The following ASPH variants were observed in gnomAD, a reference collection of about 807,000 sequenced individuals.
ASPH encodes the protein aspartyl/asparaginyl beta-hydroxylase.
In ASPH, 100 loss-of-function variants were observed where a neutral mutation model predicts 118.4. The observed-to-expected ratio is 0.84, with a 90% confidence interval of 0.72 to 1.00. ASPH has a LOEUF of 1.00. Ranked by LOEUF, ASPH falls within the 50% of genes least tolerant of loss-of-function variation. The pLI is 0.00. For synonymous variants in ASPH, 315 were observed against 325.6 expected, an observed-to-expected ratio of 0.97 and a Z score of 0.35; for missense variants, 920 against 919.5, an observed-to-expected ratio of 1.00 and a Z score of -0.01.
chr8:61,530,334 G>C (rs1483261677), intron 21 of ASPH, among the ~76,000 whole-genome samples: 1 of 152,202 alleles, frequency 6.6e-6, no homozygotes, highest in Non-Finnish European at 1.5e-5. Context: ...GCACAGGTTT[G>C]ATTCTTTCTA....
chr8:61,658,372 C>T (rs1430407277), intron 3 of ASPH: 8 of 152,178 alleles, frequency 5.3e-5, no homozygotes, highest in Admixed American at 5.2e-4. Flanking sequence ...ATAAGGTTCC[C>T]AAGAGCCTGG....
chr8:61,584,273 T>G (rs1162158916), intron 14 of ASPH, among the ~76,000 whole-genome samples: 1 of 152,212 alleles, frequency 6.6e-6, no homozygotes, highest in Non-Finnish European at 1.5e-5. Flanking sequence ...AGTGGGTGGA[T>G]AGTATACTGA....
Position 61,539,699 on chromosome 8 carries a change from G to GGTGT in ASPH, c.1764+8368_1764+8371dup, listed in dbSNP as rs10522481. Reference sequence around the variant, plus strand: ...TGTGATGGTCACCTAACACTTCTGGGGTGTGTGTGTGTGTGTGTGTGTGTG... The same window carrying GGTGT: ...TGTGATGGTCACCTAACACTTCTGGGGTGTGTGTGTGTGTGTGTGTGTGTGTGTG... On this transcript the variant is annotated intron_variant, in intron 21 of 24. Coordinates refer to ENST00000379454, the MANE Select transcript of ASPH (RefSeq NM_004318.4). Among the ~76,000 whole-genome samples, 1,122 of 124,290 alleles carry GGTGT rather than the reference G, an allele frequency of 9.0e-3. 15 individuals are homozygous for GGTGT. The highest frequency in any genetic ancestry group is 0.017 in the Middle Eastern group (4 of 232). 81.5% of individuals were successfully genotyped at this position (124,290 alleles called of 152,430 possible).
At chr8:61,631,347 G>T (rs188821691) in intron 13 of ASPH, among the ~76,000 whole-genome samples, 1 of 152,150 alleles carries the variant, frequency 6.6e-6, no homozygotes, top group East Asian at 1.9e-4. Flanking sequence ...AGTGCTGTAA[G>T]CTCTACTCAT....
At chr8:61,609,370 C>T (rs969468805) in intron 14 of ASPH, among the ~76,000 whole-genome samples, 11 of 78,240 alleles carry the variant, frequency 1.4e-4, no homozygotes, top group African/African-American at 2.7e-4. Context: ...CTGCCTCCCG[C>T]GTGGTCTCCA....
chr8:61,693,844 C>A (rs1384394284), intron 1 of ASPH, among the ~76,000 whole-genome samples: 1 of 152,184 alleles, frequency 6.6e-6, no homozygotes, highest in Non-Finnish European at 1.5e-5. Context: ...ATCACTCCAG[C>A]GACTCATGAG....
At chr8:61,568,887 G>A (rs1563852952) in intron 16 of ASPH, among the ~76,000 whole-genome samples, 3 of 152,288 alleles carry the variant, frequency 2.0e-5, no homozygotes, top group Middle Eastern at 6.8e-3. Context: ...GCAGAAAAAT[G>A]AGCCAGCTGG....
intron 1 of ASPH, among the ~76,000 whole-genome samples, chr8:61,711,653 G>C (rs1838091421): frequency 6.6e-6 from 1 of 150,572 alleles, no homozygotes; most frequent in South Asian, 2.1e-4. Flanking sequence ...AGTTTGGCCA[G>C]GAAAAAAAAA....
chr8:61,568,207 A>G (rs1251611266), intron 16 of ASPH, among the ~76,000 whole-genome samples: 1 of 152,224 alleles, frequency 6.6e-6, no homozygotes, highest in Non-Finnish European at 1.5e-5. Flanking sequence ...TATGGAGAAC[A>G]GACTGAGAAG....
At chr8:61,525,856 T>G (rs1365055275) in intron 22 of ASPH, 121 bp downstream of exon 22, 41 of 1,385,558 alleles carry the variant, frequency 3.0e-5, no homozygotes, top group African/African-American at 4.4e-5. Flanking sequence ...TAGGTTTTTT[T>G]GGGCCCCTCG....
intron 15 of ASPH, among the ~76,000 whole-genome samples, chr8:61,577,108 T>C (rs769954455): frequency 1.4e-4 from 22 of 151,758 alleles, no homozygotes; most frequent in Non-Finnish European, 3.1e-4. Context: ...TTCTCACTCA[T>C]AGATGGGAAT....
intron 14 of ASPH, among the ~76,000 whole-genome samples, chr8:61,605,058 G>A (rs535231235): frequency 6.6e-6 from 1 of 152,310 alleles, no homozygotes; most frequent in African/African-American, 2.4e-5. Context: ...GCCACTACAA[G>A]CATTCCTCAA....
intron 22 of ASPH, among the ~76,000 whole-genome samples, chr8:61,522,112 T>C (rs1310471072): frequency 1.3e-5 from 2 of 152,226 alleles, no homozygotes; most frequent in East Asian, 3.8e-4. Context: ...AAAATAGACG[T>C]TCCATAATAT....
At chr8:61,580,016 C>T (rs1836971729) in intron 15 of ASPH, among the ~76,000 whole-genome samples, 1 of 151,444 alleles carries the variant, frequency 6.6e-6, no homozygotes, top group Non-Finnish European at 1.5e-5. Context: ...TTTTAAAGCT[C>T]TGAAATCATC....
intron 16 of ASPH, among the ~76,000 whole-genome samples, chr8:61,570,600 A>T (rs535288469): frequency 6.6e-6 from 1 of 152,318 alleles, no homozygotes; most frequent in East Asian, 1.9e-4. Flanking sequence ...AACTTGCAGA[A>T]TTGGAAAAAT....
intron 14 of ASPH, among the ~76,000 whole-genome samples, chr8:61,612,229 G>C (rs1847619648): frequency 6.6e-6 from 1 of 151,904 alleles, no homozygotes; most frequent in Non-Finnish European, 1.5e-5. Flanking sequence ...ATCTAGAGTT[G>C]GAAAGAACAG....
chr8:61,537,844 A>G (rs1022242240), intron 21 of ASPH, among the ~76,000 whole-genome samples: 1 of 151,996 alleles, frequency 6.6e-6, no homozygotes, highest in Non-Finnish European at 1.5e-5. Context: ...TTTCTCCCAC[A>G]TTGACAAATA....
Position 61,517,662 on chromosome 8 carries a change from C to A in ASPH, c.1993-1G>T. 6.2e-7 allele frequency: 1 copy of A among 1,613,654 alleles called. No homozygotes were observed. Among genetic ancestry groups the A allele is most frequent in the Non-Finnish European group, 8.5e-7 (1 of 1,179,650 alleles). On this transcript the variant is annotated splice_acceptor_variant, in intron 23 of 24. Coordinates refer to ENST00000379454, the MANE Select transcript of ASPH (RefSeq NM_004318.4). LOFTEE classifies it high-confidence loss of function. ...CGGGGTGCATGATGGAATATTTGAT[C>A]TGCATAGAAAACATGACACTCCATT...
intron 21 of ASPH, among the ~76,000 whole-genome samples, chr8:61,537,891 G>T (rs982980204): frequency 4.6e-5 from 7 of 151,278 alleles, no homozygotes; most frequent in African/African-American, 1.7e-4. Context: ...GAAAAAAAAA[G>T]CCTCTTTGTA....
Sources: gnomAD v4.1 joint callset for allele counts (sites outside exome capture counted in the v4.1 genomes callset) on GRCh38, gnomAD v4.1.1 for gene constraint, MANE v1.5 for transcripts, NCBI Gene and HGNC (gene_info 2026-07-23, HGNC 2026-07-21) for gene names.